CYP19A1: variants seen among roughly 807,000 people sequenced by gnomAD.
CYP19A1 encodes the protein cytochrome P450 family 19 subfamily A member 1.
CYP19A1 carries 32 observed loss-of-function variants against 44.4 expected under a neutral mutation model. The observed-to-expected ratio is 0.72, with a 90% CI of 0.54 to 0.97. The LOEUF (loss-of-function observed/expected upper bound fraction) is 0.97. Ranked by LOEUF, CYP19A1 falls within the 50% of genes least tolerant of loss-of-function variation. CYP19A1 has a pLI of 0.00. For missense variants in CYP19A1, 598 were observed against 637.8 expected, an observed-to-expected ratio of 0.94 and a Z score of 0.67; for synonymous variants, 212 against 215.6, an observed-to-expected ratio of 0.98 and a Z score of 0.14.
chr15:51,309,259 C>T (rs867978148), intron 1 of CYP19A1, among the ~76,000 whole-genome samples: 1 of 152,264 alleles, frequency 6.6e-6, no homozygotes. Flanking sequence ...TTGGCAAAGA[C>T]CCTTGCCAGA....
At chr15:51,250,203 C>A (rs1434677674) in intron 1 of CYP19A1, among the ~76,000 whole-genome samples, 1 of 152,224 alleles carries the variant, frequency 6.6e-6, no homozygotes, top group Non-Finnish European at 1.5e-5. Context: ...AAGGTACCTG[C>A]TGCTAAAACC....
chr15:51,222,216 G>A (rs1310407489), intron 5 of CYP19A1, 133 bp downstream of exon 5: 21 of 1,500,496 alleles, frequency 1.4e-5, no homozygotes, highest in Admixed American at 4.3e-5. Context: ...GGAAAAAAAC[G>A]AGGAGTACTT....
chr15:51,245,044 A>G (rs1475107184), intron 1 of CYP19A1, among the ~76,000 whole-genome samples: 1 of 152,242 alleles, frequency 6.6e-6, no homozygotes, highest in East Asian at 1.9e-4. Context: ...TTGTTCCCCT[A>G]CACACTTATA....
intron 1 of CYP19A1, chr15:51,320,800 A>G (rs527777686): frequency 6.6e-6 from 1 of 152,380 alleles, no homozygotes; most frequent in East Asian, 1.9e-4. Flanking sequence ...AAAGAGAAAC[A>G]GGTGAAATTA....
In CYP19A1 at chr15:51,325,577, T is replaced by C. The variant is rs35762526; in HGVS notation, c.-39+12918A>G. 4.5e-3 allele frequency among the ~76,000 whole-genome samples: 678 copies of C among 152,294 alleles called. 3 individuals are homozygous for C. The highest frequency in any genetic ancestry group is 9.4e-3 in the African/African-American group (392 of 41,574). On this transcript the variant is annotated intron_variant, in intron 1 of 9. Transcript: ENST00000396402. ...AGTGCAGGCCAGGCGCCATGGCTCA[T>C]GCCTGTAATCCCAGCACTTTGGGAG...
chr15:51,261,733 A>C (rs538529507), intron 1 of CYP19A1, among the ~76,000 whole-genome samples: 1 of 152,264 alleles, frequency 6.6e-6, no homozygotes, highest in South Asian at 2.1e-4. Flanking sequence ...GGAGAGTTTC[A>C]GAGAGGTCAT....
chr15:51,297,528 TTCTCTTTCAATGACCCAGGGG>T lies in CYP19A1; in HGVS notation c.-39+40946_-39+40966del, dbSNP rs113743814. ...CCTCTCATTCCCCTCCAAGAGGGGC[TTCTCTTTCAATGACCCAGGGG>T]TCAGTTCTAAGACCCAGGCTCCCAT... On this transcript the variant is annotated intron_variant, in intron 1 of 9. Coordinates refer to ENST00000396402, the MANE Select transcript of CYP19A1 (RefSeq NM_000103.4). Among the ~76,000 whole-genome samples the T allele has an allele frequency of 9.5e-3, 1,445 of 152,194 alleles. 26 individuals are homozygous for T. Among genetic ancestry groups the T allele is most frequent in the African/African-American group, 0.034 (1,399 of 41,522 alleles).
At chr15:51,258,297 A>T (rs1406754169) in intron 1 of CYP19A1, among the ~76,000 whole-genome samples, 1 of 152,210 alleles carries the variant, frequency 6.6e-6, no homozygotes, top group Non-Finnish European at 1.5e-5. Flanking sequence ...TCCAAATCAC[A>T]GTTCCTAGCC....
Position 51,294,116 on chromosome 15 carries a change from G to A in CYP19A1, c.-39+44379C>T, listed in dbSNP as rs1313198956. ...CCATCCTGTCTAGGAAGTGAGGAGC[G>A]TCTCTGCCCGGCTGCCCATCGTCTG... On this transcript the variant is annotated intron_variant, in intron 1 of 9. Coordinates refer to ENST00000396402, the MANE Select transcript of CYP19A1 (RefSeq NM_000103.4). Among the ~76,000 whole-genome samples, 2 of 136,494 alleles carry A rather than the reference G, an allele frequency of 1.5e-5. 1 individual carries two copies. Among genetic ancestry groups the A allele is most frequent in the Admixed American group, 1.4e-4 (2 of 14,406 alleles). 89.5% of individuals were successfully genotyped at this position (136,494 alleles called of 152,430 possible).
intron 1 of CYP19A1, among the ~76,000 whole-genome samples, chr15:51,251,282 C>T (rs2034298255): frequency 6.6e-6 from 1 of 152,118 alleles, no homozygotes; most frequent in African/African-American, 2.4e-5. Context: ...CTTAGGGCAG[C>T]CCAGGTGCCG....
intron 3 of CYP19A1, 146 bp from the exon 4 acceptor site, chr15:51,228,079 C>A: frequency 2.8e-6 from 2 of 702,388 alleles, no homozygotes; most frequent in South Asian, 1.5e-5. Context: ...GTTGAATAAG[C>A]ACTTCTGTTA....
intron 1 of CYP19A1, among the ~76,000 whole-genome samples, chr15:51,315,665 G>A (rs773733431): frequency 1.5e-4 from 23 of 152,210 alleles, no homozygotes; most frequent in Middle Eastern, 3.2e-3. Flanking sequence ...TATACATCCA[G>A]GCCCTCAAGG....
Position 51,325,629 on chromosome 15 carries a change from G to T in CYP19A1, c.-39+12866C>A, listed in dbSNP as rs35716781. Among the ~76,000 whole-genome samples the T allele has an allele frequency of 1.3e-3, 201 of 152,208 alleles. 1 individual carries two copies. Among genetic ancestry groups the T allele is most frequent in the African/African-American group, 4.8e-3 (200 of 41,528 alleles). ...CCGAGGTGGGCGGATCACGAGGTCA[G>T]TAGATCAAGACCATCCTGGCTAACA... On this transcript the variant is annotated intron_variant, in intron 1 of 9. Transcript: ENST00000396402.
intron 1 of CYP19A1, among the ~76,000 whole-genome samples, chr15:51,335,057 A>G (rs2036755692): frequency 6.6e-6 from 1 of 151,760 alleles, no homozygotes; most frequent in Non-Finnish European, 1.5e-5. Flanking sequence ...TTTCCTTCAT[A>G]GGTGCTGATC....
At chr15:51,223,000 A>G (rs1231066915) in intron 4 of CYP19A1, among the ~76,000 whole-genome samples, 2 of 152,168 alleles carry the variant, frequency 1.3e-5, no homozygotes, top group South Asian at 2.1e-4. Context: ...ATTTGATCTA[A>G]GGTGCTTCCT....
At chr15:51,218,713 TAAG>T in intron 5 of CYP19A1, 58 bp from the exon 6 acceptor site, 5 of 1,564,760 alleles carry the variant, frequency 3.2e-6, no homozygotes, top group Non-Finnish European at 4.3e-6. Context: ...AATGTGAGCC[TAAG>T]AAGGTTGCTC....
chr15:51,265,877 T>C lies in CYP19A1; in HGVS notation c.-38-22927A>G, dbSNP rs1440364419. Among the ~76,000 whole-genome samples the C allele has an allele frequency of 5.9e-5, 9 of 152,246 alleles. No individual in the cohort carries two copies. In the East Asian group the frequency reaches 1.7e-3, roughly 29 times the overall value. On this transcript the variant is annotated intron_variant, in intron 1 of 9. Coordinates refer to ENST00000396402, the MANE Select transcript of CYP19A1 (RefSeq NM_000103.4). ...CTCTGGTCGTTATCTGCCTGCCCTT[T>C]TTAGCTGTTTGAGCTTCATTCGGAT...
At chr15:51,281,138 GACA>G (rs1320262647) in intron 1 of CYP19A1, among the ~76,000 whole-genome samples, 2 of 152,180 alleles carry the variant, frequency 1.3e-5, no homozygotes, top group Non-Finnish European at 2.9e-5. Flanking sequence ...AAATTCAGCA[GACA>G]ACATTTCTAG....
chr15:51,250,585 T>C (rs541511246), intron 1 of CYP19A1, among the ~76,000 whole-genome samples: 1 of 152,334 alleles, frequency 6.6e-6, no homozygotes, highest in East Asian at 1.9e-4. Context: ...AAATGACTGT[T>C]TTAAAAGACT....
Sources: gnomAD v4.1 joint callset for allele counts (sites outside exome capture counted in the v4.1 genomes callset) on GRCh38, gnomAD v4.1.1 for gene constraint, MANE v1.5 for transcripts, NCBI Gene and HGNC (gene_info 2026-07-23, HGNC 2026-07-21) for gene names.